Variants in TET3 observed in about 807,000 individuals in gnomAD.
TET3 encodes the protein methylcytosine dioxygenase TET3.
A neutral mutation model predicts 141.4 loss-of-function variants in TET3; 19 were observed. That is an observed-to-expected ratio of 0.13 (90% confidence interval 0.09 to 0.20). The LOEUF (loss-of-function observed/expected upper bound fraction) is 0.20, where lower values mean the gene tolerates loss of function less well. Ranked by LOEUF, TET3 falls within the 10% of genes least tolerant of loss-of-function variation. TET3 has a pLI of 1.00. For synonymous variants in TET3, 1,043 were observed against 980.9 expected (o/e 1.06, Z -1.18); for missense variants, 1,874 against 2,356.9 (o/e 0.80, Z 4.24).
chr2:74,092,688 G>A (rs766816573), intron 8 of TET3, among the ~76,000 whole-genome samples: 5 of 152,196 alleles, frequency 3.3e-5, no homozygotes, highest in Admixed American at 6.5e-5. Flanking sequence ...CCTTCAGGCC[G>A]TGGCTTCCAC....
chr2:74,101,671 G>T lies in TET3; in HGVS notation c.4883G>T (p.Gly1628Val). 1.2e-6 allele frequency: 2 copies of T among 1,613,716 alleles called. No individual in the cohort carries two copies. The highest frequency in any genetic ancestry group is 2.7e-5 in the African/African-American group (2 of 75,052). The change falls in exon 12 of 12, where the codon GGT (glycine) becomes GTT (valine). Residue 1628 changes from glycine to valine, a missense_variant. Around this residue, in one of 10 missense-constraint regions of TET3, gnomAD observed 602 missense variants for 590.2 expected, o/e 1.02. Coordinates refer to ENST00000409262, the MANE Select transcript of TET3 (RefSeq NM_001287491.2). This position sits in a 1 kb window ranked among gnomAD's most constrained non-coding sequence, Gnocchi z 8.5. Reference sequence around the variant, plus strand: ...GGAGCGGTGAAGGAGGAGAAGGGCGGTGGTGGTGCGGAGGAGGAAGAGGAG... The same window carrying T: ...GGAGCGGTGAAGGAGGAGAAGGGCGTTGGTGGTGCGGAGGAGGAAGAGGAG... ...SKGAVKEEKG[G>V]GGAEEEEEEL...
the TET3 span, among the ~76,000 whole-genome samples, chr2:74,132,227 C>A: frequency 7.2e-5 from 11 of 152,190 alleles, no homozygotes; most frequent in African/African-American, 2.6e-4. Flanking sequence ...CCCCCTGGAC[C>A]CCACCTGGTT....
At chr2:74,071,832 G>A (rs995509058) in intron 4 of TET3, among the ~76,000 whole-genome samples, 7 of 152,122 alleles carry the variant, frequency 4.6e-5, no homozygotes, top group African/African-American at 1.4e-4. Flanking sequence ...TTCCAAAGCT[G>A]CTACTATGTA....
intron 4 of TET3, among the ~76,000 whole-genome samples, chr2:74,066,212 G>T (rs1688889567): frequency 6.6e-6 from 1 of 152,026 alleles, no homozygotes; most frequent in Non-Finnish European, 1.5e-5. Context: ...ACAGTACAGA[G>T]GTTTTACTTC....
chr2:74,089,287 A>C (rs7593050), intron 7 of TET3, among the ~76,000 whole-genome samples: 35,393 of 151,910 alleles, frequency 0.23, 4,435 homozygotes, highest in Non-Finnish European at 0.28. Context: ...TCTTCCATTG[A>C]ACATAGTGTT....
intron 4 of TET3, among the ~76,000 whole-genome samples, chr2:74,061,601 C>A (rs1688575795): frequency 2.0e-5 from 3 of 149,724 alleles, no homozygotes; most frequent in Admixed American, 1.3e-4. Flanking sequence ...GGGGCTGACC[C>A]CCCCCACCTC....
intron 4 of TET3, among the ~76,000 whole-genome samples, chr2:74,069,893 C>T (rs868655296): frequency 6.6e-6 from 1 of 152,078 alleles, no homozygotes; most frequent in Non-Finnish European, 1.5e-5. Context: ...CCACCGTGCC[C>T]CGACCTGTAT....
At chr2:74,019,349 T>C (rs1236001937) in intron 3 of TET3, among the ~76,000 whole-genome samples, 2 of 152,236 alleles carry the variant, frequency 1.3e-5, no homozygotes, top group Non-Finnish European at 2.9e-5. Flanking sequence ...ATGCTGTAGC[T>C]GCTGTTGTTG....
At chr2:74,011,907 AAG>A (rs1685455872) in intron 3 of TET3, among the ~76,000 whole-genome samples, 1 of 151,860 alleles carries the variant, frequency 6.6e-6, no homozygotes, top group African/African-American at 2.4e-5. Flanking sequence ...AAGGGAGCAA[AAG>A]AGAGGAATTT....
rs953863000 is a variant in TET3 at position 74,003,001 on chromosome 2, C to A, written c.304-109C>A. ...GCCTTTCTTTCCCAGGCTGTATCCC[C>A]TCCCGTTCGCCTTCTTCCCCTCCGG... On this transcript the variant is annotated intron_variant, in intron 2 of 11. Coordinates refer to ENST00000409262, the MANE Select transcript of TET3 (RefSeq NM_001287491.2). 9 of 1,191,432 alleles carry A rather than the reference C, an allele frequency of 7.6e-6. No homozygotes were observed. In the African/African-American group the frequency reaches 1.1e-4, roughly 14 times the overall value. The allele number at this position is 1,191,432 out of a possible 1,614,324, so 73.8% of individuals were successfully genotyped here. A position where few individuals can be genotyped will look rare whatever the true frequency, so the allele number is the denominator to read the frequency against.
Position 74,065,447 on chromosome 2 carries a change from C to G in TET3, c.2495-8102C>G, listed in dbSNP as rs116036586. Among the ~76,000 whole-genome samples the G allele has an allele frequency of 2.6e-3, 397 of 152,232 alleles. 2 individuals are homozygous for G. Among genetic ancestry groups the G allele is most frequent in the African/African-American group, 8.6e-3 (358 of 41,554 alleles). On this transcript the variant is annotated intron_variant, in intron 4 of 11. Transcript: ENST00000409262. ...ACCTCACCCCAGATCATTCTTTGATCATTTCTTTGCTTTTTGTTCAACAAG... is the reference window on the plus strand; with the variant it reads ...ACCTCACCCCAGATCATTCTTTGATGATTTCTTTGCTTTTTGTTCAACAAG...
intron 2 of TET3, chr2:74,002,891 T>G: frequency 5.3e-6 from 3 of 565,816 alleles, no homozygotes; most frequent in South Asian, 2.2e-5. Context: ...AGAGGAGAAA[T>G]GAAAACAAAA....
chr2:74,034,100 G>GA (rs957091421), intron 3 of TET3, among the ~76,000 whole-genome samples: 9 of 142,052 alleles, frequency 6.3e-5, no homozygotes, highest in East Asian at 2.1e-4. Flanking sequence ...CTGTCTCAGA[G>GA]AAAAAAAAAG....
intron 5 of TET3, among the ~76,000 whole-genome samples, chr2:74,079,350 A>C (rs971531716): frequency 6.6e-6 from 1 of 152,190 alleles, no homozygotes; most frequent in Non-Finnish European, 1.5e-5. Flanking sequence ...CGTCTCAAAA[A>C]GAAAGAAAAA....
At chr2:73,997,489 G>C (rs1192135317) in intron 2 of TET3, among the ~76,000 whole-genome samples, 1 of 152,152 alleles carries the variant, frequency 6.6e-6, no homozygotes, top group Non-Finnish European at 1.5e-5. Context: ...TGCAGGATGG[G>C]GTGAGGTGCA....
At chr2:74,012,494 A>G (rs1244236061) in intron 3 of TET3, among the ~76,000 whole-genome samples, 4 of 152,218 alleles carry the variant, frequency 2.6e-5, no homozygotes, top group Non-Finnish European at 5.9e-5. Flanking sequence ...GCTCCGAGGC[A>G]GGTGGTAGCA....
Position 74,093,776 on chromosome 2 carries a change from A to G in TET3, c.3267+110A>G. On this transcript the variant is annotated intron_variant, in intron 10 of 11. Coordinates refer to ENST00000409262, the MANE Select transcript of TET3 (RefSeq NM_001287491.2). This position sits in a 1 kb window ranked among gnomAD's most constrained non-coding sequence, Gnocchi z 4.2. Reference sequence around the variant, plus strand: ...GGGTAGGGAGGGACCTGGAGACAGGATCCTCAGAACTCTGGAAGGTTCCCT... The same window carrying G: ...GGGTAGGGAGGGACCTGGAGACAGGGTCCTCAGAACTCTGGAAGGTTCCCT... 3.0e-6 allele frequency: 4 copies of G among 1,348,066 alleles called. No homozygotes were observed. The highest frequency in any genetic ancestry group is 3.9e-6 in the Non-Finnish European group (4 of 1,028,198). 83.5% of individuals were successfully genotyped at this position (1,348,066 alleles called of 1,614,324 possible). A position where few individuals can be genotyped will look rare whatever the true frequency, so the allele number is the denominator to read the frequency against.
chr2:73,992,342 C>G (rs1003072668), intron 2 of TET3, among the ~76,000 whole-genome samples: 4 of 101,378 alleles, frequency 3.9e-5, no homozygotes, highest in Non-Finnish European at 7.4e-5. Flanking sequence ...GAGATGGAGT[C>G]TCGCTCTGTT....
At position 74,093,375 on chromosome 2, in the gene TET3, G is replaced by T. The variant is rs1161730011; in HGVS notation, c.3130-154G>T. ...CTGAAAGTAACTTTTTTGTAGCTGG[G>T]GCCTCTCAGCCAGAAAACCTCCCTC... On this transcript the variant is annotated intron_variant, in intron 9 of 11. Transcript: ENST00000409262. This position sits in a 1 kb window ranked among gnomAD's most constrained non-coding sequence, Gnocchi z 4.2. 6.6e-6 allele frequency among the ~76,000 whole-genome samples: 1 copy of T among 152,046 alleles called. No individual in the cohort carries two copies. The highest frequency in any genetic ancestry group is 1.5e-5 in the Non-Finnish European group (1 of 67,998).
Sources: gnomAD v4.1 joint callset for allele counts (sites outside exome capture counted in the v4.1 genomes callset) on GRCh38, gnomAD v4.1.1 for gene constraint, gnomAD v4.1.1 regional missense constraint, Gnocchi (gnomAD v3.1) non-coding constraint, MANE v1.5 for transcripts, NCBI Gene and HGNC (gene_info 2026-07-23, HGNC 2026-07-21) for gene names.